Variants in INPP4B observed in about 807,000 individuals in gnomAD.
INPP4B encodes inositol polyphosphate-4-phosphatase type II B.
INPP4B carries 55 observed loss-of-function variants against 122.5 expected under a neutral mutation model. That is an observed-to-expected ratio of 0.45 (90% CI 0.36 to 0.56). The LOEUF is 0.56. Among genes scored for constraint, INPP4B ranks in the 20% least tolerant of loss-of-function variants. INPP4B has a pLI of 0.00. For missense variants in INPP4B, 1,000 were observed against 1,097.7 expected, an observed-to-expected ratio of 0.91 and a Z score of 1.26; for synonymous variants, 403 against 388.7, an observed-to-expected ratio of 1.04 and a Z score of -0.43.
chr4:142,334,785 C>T (rs1775971294), intron 7 of INPP4B, among the ~76,000 whole-genome samples: 1 of 152,060 alleles, frequency 6.6e-6, no homozygotes, highest in Non-Finnish European at 1.5e-5. Flanking sequence ...TTTGCCCTTT[C>T]TTGAACTGAA....
intron 2 of INPP4B, among the ~76,000 whole-genome samples, chr4:142,603,365 C>A (rs1740495524): frequency 6.6e-6 from 1 of 151,594 alleles, no homozygotes. Flanking sequence ...CACATCTGCA[C>A]ATATACCCCA....
chr4:142,274,623 T>C (rs1463119255), intron 9 of INPP4B, among the ~76,000 whole-genome samples: 1 of 151,888 alleles, frequency 6.6e-6, no homozygotes, highest in Non-Finnish European at 1.5e-5. Flanking sequence ...GTCATACAGA[T>C]GTATATAGCA....
At chr4:142,197,478 G>T (rs1003417106) in intron 14 of INPP4B, among the ~76,000 whole-genome samples, 1 of 152,068 alleles carries the variant, frequency 6.6e-6, no homozygotes, top group African/African-American at 2.4e-5. Flanking sequence ...TTACCTTGAA[G>T]ATTTAATTCC....
chr4:142,219,198 G>T (rs1018006842), intron 12 of INPP4B, among the ~76,000 whole-genome samples: 2 of 152,104 alleles, frequency 1.3e-5, no homozygotes, highest in African/African-American at 2.4e-5. Flanking sequence ...ACACAATAAA[G>T]CCTCAAGTTA....
At position 142,373,961 on chromosome 4, in the gene INPP4B, G is replaced by A. The variant is rs1790877123; in HGVS notation, c.372+28977C>T. On this transcript the variant is annotated intron_variant, in intron 7 of 25. Transcript: ENST00000262992. ...GTCGTGCATTGAGCAGCCACGGTAT[G>A]ACAGGCACTCTACCAGAAGCTTAAG... is the stretch of plus-strand genomic sequence containing the variant. Among the ~76,000 whole-genome samples, 3 of 151,808 alleles carry A rather than the reference G, an allele frequency of 2.0e-5. No individual in the cohort carries two copies. The South Asian group carries it at 6.2e-4, about 31-fold the overall frequency.
chr4:142,480,228 T>C (rs1820343064), intron 2 of INPP4B, among the ~76,000 whole-genome samples: 1 of 152,226 alleles, frequency 6.6e-6, no homozygotes, highest in Non-Finnish European at 1.5e-5. Context: ...TATGTTATGG[T>C]AAATTCTAGT....
chr4:142,154,909 G>T (rs187089446), intron 17 of INPP4B, among the ~76,000 whole-genome samples: 35 of 151,988 alleles, frequency 2.3e-4, no homozygotes, highest in African/African-American at 6.3e-4. Context: ...AACACATGGA[G>T]AAAACAGACA....
intron 11 of INPP4B, among the ~76,000 whole-genome samples, chr4:142,239,952 C>G (rs919377365): frequency 2.6e-5 from 4 of 151,432 alleles, no homozygotes; most frequent in Admixed American, 1.3e-4. Context: ...TTTTGCTTGC[C>G]TTTTATACAT....
intron 2 of INPP4B, among the ~76,000 whole-genome samples, chr4:142,597,315 G>A (rs1738927385): frequency 6.6e-6 from 1 of 152,220 alleles, no homozygotes. Context: ...TGAACTAACA[G>A]AACTATCTTA....
intron 2 of INPP4B, among the ~76,000 whole-genome samples, chr4:142,648,559 A>T (rs1341404845): frequency 6.6e-6 from 1 of 152,214 alleles, no homozygotes; most frequent in Non-Finnish European, 1.5e-5. Flanking sequence ...ACGAAACCTT[A>T]ATCACTGCCA....
intron 1 of INPP4B, among the ~76,000 whole-genome samples, chr4:142,822,889 C>T (rs1305977957): frequency 6.6e-6 from 1 of 152,144 alleles, no homozygotes; most frequent in African/African-American, 2.4e-5. Flanking sequence ...ATCTTCCTGT[C>T]TTCTTACAAA....
chr4:142,201,294 A>C (rs1840520685), intron 14 of INPP4B, among the ~76,000 whole-genome samples: 4 of 152,062 alleles, frequency 2.6e-5, no homozygotes, highest in Admixed American at 2.6e-4. Flanking sequence ...CATTTTGTAC[A>C]GTTGTGTAAT....
chr4:142,418,720 C>A (rs1253761976), intron 5 of INPP4B, among the ~76,000 whole-genome samples: 1 of 152,132 alleles, frequency 6.6e-6, no homozygotes, highest in Non-Finnish European at 1.5e-5. Flanking sequence ...AGAAAATTAA[C>A]ACAAGGTAAG....
intron 9 of INPP4B, among the ~76,000 whole-genome samples, chr4:142,286,367 T>C (rs1397961148): frequency 2.0e-5 from 3 of 152,206 alleles, no homozygotes; most frequent in African/African-American, 7.2e-5. Flanking sequence ...AAAAAGAATA[T>C]ATTTTGGTAT....
In INPP4B at chr4:142,057,424, T is replaced by A. The variant is rs1758275013; in HGVS notation, c.2642+24607A>T. 2.0e-5 allele frequency among the ~76,000 whole-genome samples: 3 copies of A among 152,088 alleles called. No homozygotes were observed. In the South Asian group the frequency reaches 6.2e-4, roughly 31 times the overall value. ...GATGGAATGCGAGAATAAAGCTGAATTTATCTATGTTCATTTATGATTAAA... is the reference window on the plus strand; with the variant it reads ...GATGGAATGCGAGAATAAAGCTGAAATTATCTATGTTCATTTATGATTAAA... On this transcript the variant is annotated intron_variant, in intron 25 of 25. Transcript: ENST00000262992.
intron 2 of INPP4B, among the ~76,000 whole-genome samples, chr4:142,542,196 A>G (rs1829017452): frequency 6.6e-6 from 1 of 152,164 alleles, no homozygotes. Context: ...CTATCTCCTT[A>G]CATCTATTAT....
chr4:142,140,772 G>C (rs1293653926), intron 18 of INPP4B, among the ~76,000 whole-genome samples: 1 of 152,230 alleles, frequency 6.6e-6, no homozygotes, highest in African/African-American at 2.4e-5. Flanking sequence ...AATGTTACTT[G>C]AATCTTTAGA....
chr4:142,060,928 G>T (rs906947932), intron 25 of INPP4B, among the ~76,000 whole-genome samples: 1 of 152,090 alleles, frequency 6.6e-6, no homozygotes, highest in African/African-American at 2.4e-5. Context: ...GATTTTGCTC[G>T]TAATTACTTA....
chr4:142,071,792 A>G (rs1214339566), intron 25 of INPP4B, among the ~76,000 whole-genome samples: 1 of 152,244 alleles, frequency 6.6e-6, no homozygotes, highest in East Asian at 1.9e-4. Flanking sequence ...ATGAGATACC[A>G]TCTCACACCA....
Sources: gnomAD v4.1 joint callset for allele counts (sites outside exome capture counted in the v4.1 genomes callset) on GRCh38, gnomAD v4.1.1 for gene constraint, MANE v1.5 for transcripts, NCBI Gene and HGNC (gene_info 2026-07-23, HGNC 2026-07-21) for gene names.